NUTF2: variants seen among roughly 807,000 people sequenced by gnomAD.
NUTF2 encodes the protein nuclear transport factor 2, also known as placental protein 15.
NUTF2 carries 3 observed loss-of-function variants against 18.5 expected under a neutral mutation model. That is an observed-to-expected ratio of 0.16 (90% CI 0.07 to 0.42). NUTF2 has a LOEUF of 0.42. Ranked by LOEUF, NUTF2 falls within the 10% of genes least tolerant of loss-of-function variation. The pLI, the probability that NUTF2 is intolerant of heterozygous loss-of-function variation, is 0.99. For synonymous variants in NUTF2, 51 were observed against 57.9 expected, an observed-to-expected ratio of 0.88 and a Z score of 0.54; for missense variants, 44 against 160.7, an observed-to-expected ratio of 0.27 and a Z score of 3.93.
intron 1 of NUTF2, among the ~76,000 whole-genome samples, chr16:67,858,395 T>C (rs1204543449): frequency 6.6e-6 from 1 of 152,178 alleles, no homozygotes; most frequent in Non-Finnish European, 1.5e-5. Context: ...TTCAAACTCC[T>C]GACCTCAAGT....
intron 1 of NUTF2, among the ~76,000 whole-genome samples, chr16:67,860,186 A>G (rs1312751500): frequency 6.6e-6 from 1 of 151,978 alleles, no homozygotes; most frequent in African/African-American, 2.4e-5. Flanking sequence ...TCACCATGTT[A>G]GCCAGGATGG....
chr16:67,862,235 C>T (rs987276585), intron 1 of NUTF2, among the ~76,000 whole-genome samples: 13 of 152,166 alleles, frequency 8.5e-5, no homozygotes, highest in Non-Finnish European at 1.8e-4. Flanking sequence ...CCAGTGTCAG[C>T]ACTGATGTAC....
In NUTF2 at chr16:67,860,425, C is replaced by A. The variant is rs565758703; in HGVS notation, c.-29-4677C>A. Among the ~76,000 whole-genome samples, 10 of 152,270 alleles carry A rather than the reference C, an allele frequency of 6.6e-5. No homozygotes were observed. In the East Asian group the frequency reaches 1.3e-3, roughly 21 times the overall value. On this transcript the variant is annotated intron_variant, in intron 1 of 4. Coordinates refer to ENST00000219169, the MANE Select transcript of NUTF2 (RefSeq NM_005796.3). ...GAGTAGCTGAGACTAAAGGAGTGAA[C>A]CACCATGCCCGGCTAATTTTTAAAA...
At chr16:67,856,332 C>T (rs2057896926) in intron 1 of NUTF2, among the ~76,000 whole-genome samples, 2 of 151,986 alleles carry the variant, frequency 1.3e-5, no homozygotes, top group African/African-American at 2.4e-5. Flanking sequence ...GCTGGGATTA[C>T]AGGCACCCAC....
At chr16:67,849,193 T>C (rs1192074323) in intron 1 of NUTF2, among the ~76,000 whole-genome samples, 2 of 152,204 alleles carry the variant, frequency 1.3e-5, no homozygotes, top group African/African-American at 2.4e-5. Flanking sequence ...CACAGGACAA[T>C]GAGGTGAAAT....
Position 67,865,094 on chromosome 16 carries a change from T to C in NUTF2, c.-29-8T>C, listed in dbSNP as rs760327253. 7.0e-7 allele frequency: 1 copy of C among 1,424,502 alleles called. No individual in the cohort carries two copies. The highest frequency in any genetic ancestry group is 1.7e-5 in the Admixed American group (1 of 59,496). The allele number at this position is 1,424,502 out of a possible 1,614,324, so 88.2% of individuals were successfully genotyped here. On this transcript the variant is annotated splice_region_variant and splice_polypyrimidine_tract_variant and intron_variant, in intron 1 of 4. Transcript: ENST00000219169. ...AATGCTTCCCTCCTGGTCTCATTGG[T>C]CTTGCAGGTCTCCGTGAGGCCGGGT... is the stretch of plus-strand genomic sequence containing the variant.
chr16:67,848,688 G>A, intron 1 of NUTF2, among the ~76,000 whole-genome samples: 1 of 150,632 alleles, frequency 6.6e-6, no homozygotes, highest in East Asian at 1.9e-4. Flanking sequence ...GTTGCAGTGG[G>A]CAGAGATCAT....
Position 67,870,925 on chromosome 16 carries a change from C to T in NUTF2, c.*12C>T, listed in dbSNP as rs750294849. ...ACAACTTTGGCTGACCTCCTCTCAG[C>T]TAGGCACTCACGCTGTTTCCTCCTC... On this transcript the variant is annotated 3_prime_UTR_variant, in exon 5 of 5. Transcript: ENST00000219169. The T allele has an allele frequency of 1.6e-5, 25 of 1,587,142 alleles. No homozygotes were observed. The highest frequency in any genetic ancestry group is 2.1e-5 in the Non-Finnish European group (24 of 1,155,444).
chr16:67,869,084 C>CT (rs71721636), intron 4 of NUTF2, among the ~76,000 whole-genome samples: 199 of 135,836 alleles, frequency 1.5e-3, no homozygotes, highest in Middle Eastern at 4.0e-3. Context: ...ACTCCTATTT[C>CT]TTTTTTTTTT....
chr16:67,858,299 C>T (rs1047921476), intron 1 of NUTF2, among the ~76,000 whole-genome samples: 1 of 152,182 alleles, frequency 6.6e-6, no homozygotes, highest in Non-Finnish European at 1.5e-5. Context: ...TCCCGAGTAG[C>T]TGGGACTATA....
intron 2 of NUTF2, 37 bp from the exon 3 acceptor site, chr16:67,868,303 G>A: frequency 6.3e-7 from 1 of 1,597,578 alleles, no homozygotes; most frequent in Non-Finnish European, 8.6e-7. Context: ...CTTGTACTCT[G>A]AGGCCCCAAC....
intron 1 of NUTF2, among the ~76,000 whole-genome samples, chr16:67,849,811 A>T (rs1029019987): frequency 6.6e-6 from 1 of 151,670 alleles, no homozygotes; most frequent in African/African-American, 2.4e-5. Flanking sequence ...GGCGCCCACC[A>T]CCACGCCCAG....
chr16:67,856,819 C>T (rs2057901252), intron 1 of NUTF2, among the ~76,000 whole-genome samples: 5 of 152,160 alleles, frequency 3.3e-5, no homozygotes, highest in Admixed American at 3.3e-4. Flanking sequence ...CCCATCTCGG[C>T]CAGTTTTGTG....
At chr16:67,866,300 A>G (rs2151300244) in intron 2 of NUTF2, among the ~76,000 whole-genome samples, 1 of 151,282 alleles carries the variant, frequency 6.6e-6, no homozygotes, top group East Asian at 1.9e-4. Context: ...TCATTATCAT[A>G]GTAGAGTTTT....
intron 1 of NUTF2, among the ~76,000 whole-genome samples, chr16:67,853,999 A>G (rs1203725779): frequency 6.6e-6 from 1 of 151,764 alleles, no homozygotes; most frequent in African/African-American, 2.4e-5. Flanking sequence ...CACCTAGGCT[A>G]GAGTGCAGTA....
intron 1 of NUTF2, among the ~76,000 whole-genome samples, chr16:67,850,361 C>A (rs1038518141): frequency 6.6e-6 from 1 of 151,940 alleles, no homozygotes; most frequent in Admixed American, 6.6e-5. Flanking sequence ...CCCGCCACCA[C>A]GCCCGGCTAA....
At chr16:67,850,063 A>C (rs190871734) in intron 1 of NUTF2, among the ~76,000 whole-genome samples, 4 of 152,234 alleles carry the variant, frequency 2.6e-5, no homozygotes, top group Non-Finnish European at 5.9e-5. Flanking sequence ...AAGTGCTGGG[A>C]TTACAGATGT....
At chr16:67,862,904 C>T (rs1598166126) in intron 1 of NUTF2, among the ~76,000 whole-genome samples, 1 of 152,180 alleles carries the variant, frequency 6.6e-6, no homozygotes, top group East Asian at 1.9e-4. Flanking sequence ...CCCAACTTTG[C>T]TCTGAGCCAA....
chr16:67,855,861 T>G, intron 1 of NUTF2: 1 of 428,112 alleles, frequency 2.3e-6, no homozygotes, highest in Non-Finnish European at 4.4e-6. Context: ...CTGGGCTGCA[T>G]TCCTTGCCAC....
Sources: gnomAD v4.1 joint callset for allele counts (sites outside exome capture counted in the v4.1 genomes callset) on GRCh38, gnomAD v4.1.1 for gene constraint, MANE v1.5 for transcripts, NCBI Gene and HGNC (gene_info 2026-07-23, HGNC 2026-07-21) for gene names.